Variants in CDC123 observed in about 807,000 individuals in gnomAD.
CDC123 encodes the protein cell division cycle 123.
In CDC123, 37 loss-of-function variants were observed where a neutral mutation model predicts 54.4. That is an observed-to-expected ratio of 0.68 (90% confidence interval 0.52 to 0.89). The LOEUF is 0.89. Among genes scored for constraint, CDC123 ranks in the 40% least tolerant of loss-of-function variants. The probability of loss-of-function intolerance (pLI) is 0.00; values close to 1 mark genes in which losing one functional copy is unlikely to be tolerated. For missense variants in CDC123, 361 were observed against 412.1 expected (o/e 0.88, Z 1.07); for synonymous variants, 144 against 136.8 (o/e 1.05, Z -0.37).
chr10:12,214,785 T>TAGAC (rs1835642370), intron 4 of CDC123, among the ~76,000 whole-genome samples: 1 of 152,126 alleles, frequency 6.6e-6, no homozygotes, highest in Non-Finnish European at 1.5e-5. Flanking sequence ...TAATTCAAGA[T>TAGAC]GTAGTCTGTC....
intron 6 of CDC123, among the ~76,000 whole-genome samples, chr10:12,227,732 G>A (rs1206887126): frequency 1.3e-5 from 2 of 151,952 alleles, no homozygotes; most frequent in Non-Finnish European, 2.9e-5. Flanking sequence ...TCCTGACCTC[G>A]TGATCCGCCC....
intron 7 of CDC123, among the ~76,000 whole-genome samples, chr10:12,233,545 T>C (rs563388624): frequency 6.6e-6 from 1 of 152,174 alleles, no homozygotes; most frequent in South Asian, 2.1e-4. Flanking sequence ...AATTGTGTGC[T>C]ACAATTGCTT....
intron 4 of CDC123, among the ~76,000 whole-genome samples, chr10:12,210,648 A>G (rs141443725): frequency 6.6e-6 from 1 of 152,250 alleles, no homozygotes; most frequent in Admixed American, 6.5e-5. Context: ...CTGGAACATA[A>G]AGTGAAAATC....
rs1477719781 is a variant in CDC123 at position 12,237,231 on chromosome 10, A to G, written c.653A>G (p.Lys218Arg). 9 of 1,589,746 alleles carry G rather than the reference A, an allele frequency of 5.7e-6. No homozygotes were observed. The East Asian group carries it at 2.1e-4, about 36-fold the overall frequency. The stretch of plus-strand genomic sequence containing the variant: ...CGCAGATGCATACAAGACTTTTTCA[A>G]GAAACACATACAGTACAAATTCTTA... ...EIRRCIQDFF[K>R]KHIQYKFLDE... Residue 218 changes from lysine (K) to arginine (R), a missense_variant, in exon 9 of 13, where the codon AAG becomes AGG. Transcript: ENST00000281141.
chr10:12,239,511 G>A (rs1046303835), intron 10 of CDC123, among the ~76,000 whole-genome samples: 6 of 151,860 alleles, frequency 4.0e-5, no homozygotes, highest in Admixed American at 6.6e-5. Context: ...TCGGGAGTTC[G>A]AAACCCACCT....
At chr10:12,232,758 G>T (rs1835918448) in intron 7 of CDC123, among the ~76,000 whole-genome samples, 1 of 151,346 alleles carries the variant, frequency 6.6e-6, no homozygotes, top group Non-Finnish European at 1.5e-5. Flanking sequence ...TTTCTGCCAG[G>T]TATGAGAAAG....
intron 6 of CDC123, among the ~76,000 whole-genome samples, chr10:12,219,046 C>G (rs114577432): frequency 0.015 from 2,358 of 152,284 alleles, 57 homozygotes; most frequent in African/African-American, 0.053. Context: ...ATAAGCATGC[C>G]ACTTCCGCCC....
intron 6 of CDC123, among the ~76,000 whole-genome samples, chr10:12,226,879 C>G (rs924974774): frequency 6.6e-6 from 1 of 152,132 alleles, no homozygotes; most frequent in Non-Finnish European, 1.5e-5. Context: ...GCTGCAATCT[C>G]GGCACTTTGG....
At chr10:12,241,540 A>G (rs1254686725) in intron 10 of CDC123, among the ~76,000 whole-genome samples, 3 of 152,086 alleles carry the variant, frequency 2.0e-5, no homozygotes, top group Non-Finnish European at 4.4e-5. Context: ...TTTATTTTAT[A>G]CTGTCCTTCA....
chr10:12,238,350 C>G, intron 9 of CDC123, 107 bp from the exon 10 acceptor site: 1 of 1,264,762 alleles, frequency 7.9e-7, no homozygotes, highest in Non-Finnish European at 1.1e-6. Context: ...TCCTCAGGGT[C>G]ATTTATATTC....
At chr10:12,204,627 A>C (rs1331231023) in intron 2 of CDC123, among the ~76,000 whole-genome samples, 1 of 152,216 alleles carries the variant, frequency 6.6e-6, no homozygotes, top group East Asian at 1.9e-4. Flanking sequence ...AGTTGCAAAC[A>C]ATCCAATTAC....
Position 12,202,105 on chromosome 10 carries a change from C to A in CDC123, c.146+3329C>A, listed in dbSNP as rs1374590417. On this transcript the variant is annotated intron_variant, in intron 2 of 12. Coordinates refer to ENST00000281141, the MANE Select transcript of CDC123 (RefSeq NM_006023.3). Reference sequence around the variant, plus strand: ...GTTAGGTTACTTCTACAGATAAAAACTTGAAAATTTTAAGTATAATTTAAA... The same window carrying A: ...GTTAGGTTACTTCTACAGATAAAAAATTGAAAATTTTAAGTATAATTTAAA... Among the ~76,000 whole-genome samples the A allele has an allele frequency of 7.9e-5, 12 of 152,240 alleles. No individual in the cohort carries two copies. In the South Asian group the frequency reaches 2.3e-3, roughly 29 times the overall value.
At chr10:12,213,614 A>G (rs1307732560) in intron 4 of CDC123, among the ~76,000 whole-genome samples, 1 of 151,864 alleles carries the variant, frequency 6.6e-6, no homozygotes, top group African/African-American at 2.4e-5. Context: ...GCAAATTTTG[A>G]ATAAGATCTG....
At chr10:12,225,570 A>G (rs999461463) in intron 6 of CDC123, among the ~76,000 whole-genome samples, 2 of 152,046 alleles carry the variant, frequency 1.3e-5, no homozygotes. Context: ...TGCAGTAAGT[A>G]GTTAACTGAA....
chr10:12,197,602 T>C lies in CDC123; in HGVS notation c.75-1103T>C, dbSNP rs891275625. Among the ~76,000 whole-genome samples, 17 of 151,680 alleles carry C rather than the reference T, an allele frequency of 1.1e-4. No individual in the cohort carries two copies. The South Asian group carries it at 1.2e-3, about 11-fold the overall frequency. On this transcript the variant is annotated intron_variant, in intron 1 of 12. Transcript: ENST00000281141. ...CCGTGTTAGCCAGGATGGTCTCGAT[T>C]GCCTGACCTCGTGATCCGCCCGCCT...
At chr10:12,202,856 A>G (rs999165766) in intron 2 of CDC123, among the ~76,000 whole-genome samples, 2 of 152,272 alleles carry the variant, frequency 1.3e-5, no homozygotes, top group Admixed American at 1.3e-4. Flanking sequence ...CTCTACTAAA[A>G]ATACAGAACT....
intron 1 of CDC123, among the ~76,000 whole-genome samples, chr10:12,197,384 T>G (rs939996923): frequency 6.6e-6 from 1 of 151,778 alleles, no homozygotes; most frequent in African/African-American, 2.4e-5. Context: ...GAACTAGATT[T>G]TTTTTTTTTG....
At chr10:12,198,655 C>T in intron 1 of CDC123, 50 bp from the exon 2 acceptor site, 1 of 955,086 alleles carries the variant, frequency 1.0e-6, no homozygotes, top group South Asian at 1.4e-5. Context: ...TTTCTCTCTG[C>T]TTATAGTTGG....
At chr10:12,205,350 C>G (rs550834288) in intron 2 of CDC123, among the ~76,000 whole-genome samples, 47 of 152,262 alleles carry the variant, frequency 3.1e-4, no homozygotes, top group African/African-American at 1.1e-3. Context: ...GCTTCCAAAT[C>G]TTAGCTATTG....
Sources: gnomAD v4.1 joint callset for allele counts (sites outside exome capture counted in the v4.1 genomes callset) on GRCh38, gnomAD v4.1.1 for gene constraint, MANE v1.5 for transcripts, NCBI Gene and HGNC (gene_info 2026-07-23, HGNC 2026-07-21) for gene names.